The following CENPU variants were observed in gnomAD, a reference collection of about 807,000 sequenced individuals.
The protein encoded by CENPU is centromere protein U, also known as KSHV latent nuclear antigen interacting protein 1.
CENPU carries 46 observed loss-of-function variants against 56.7 expected under a neutral mutation model. The observed-to-expected ratio is 0.81, with a 90% CI of 0.64 to 1.04. The LOEUF is 1.04. CENPU is among the 50% of genes least tolerant of loss of function. CENPU has a pLI of 0.00. For synonymous variants in CENPU, 166 were observed against 163.0 expected (o/e 1.02, Z -0.14); for missense variants, 510 against 490.1 (o/e 1.04, Z -0.38).
intron 3 of CENPU, among the ~76,000 whole-genome samples, chr4:184,726,546 T>C (rs1761457598): frequency 6.6e-6 from 1 of 152,214 alleles, no homozygotes; most frequent in Admixed American, 6.5e-5. Context: ...TGGGCCCTGC[T>C]GGTGGGAACA....
intron 11 of CENPU, chr4:184,699,668 C>CTCTTTTT: frequency 1.8e-6 from 2 of 1,084,622 alleles, no homozygotes; most frequent in Non-Finnish European, 1.2e-6. Flanking sequence ...GGCAGTCTCT[C>CTCTTTTT]TTTTTTTTTT....
intron 8 of CENPU, among the ~76,000 whole-genome samples, chr4:184,707,013 A>C (rs934344057): frequency 6.6e-6 from 1 of 151,344 alleles, no homozygotes; most frequent in East Asian, 1.9e-4. Flanking sequence ...AGATTTGTGA[A>C]TAGGTAAAGG....
In CENPU at chr4:184,728,903, A is replaced by G; in HGVS notation, c.214+15T>C. On this transcript the variant is annotated intron_variant, in intron 3 of 12. Transcript: ENST00000281453. Reference sequence around the variant, plus strand: ...GCTTTAGAGTTATGTTAGGATAAAGATTTAAAGTACTAACCAAAGGTCTCA... The same window carrying G: ...GCTTTAGAGTTATGTTAGGATAAAGGTTTAAAGTACTAACCAAAGGTCTCA... 3 of 1,582,046 alleles carry G rather than the reference A, an allele frequency of 1.9e-6. No homozygotes were observed. Among genetic ancestry groups the G allele is most frequent in the Non-Finnish European group, 2.6e-6 (3 of 1,151,904 alleles).
intron 1 of CENPU, among the ~76,000 whole-genome samples, 161 bp from the exon 2 acceptor site, chr4:184,731,129 A>G (rs1374655238): frequency 6.6e-6 from 1 of 152,096 alleles, no homozygotes; most frequent in Non-Finnish European, 1.5e-5. Context: ...ACCAATGTAT[A>G]AAATAACATA....
chr4:184,702,173 C>G, intron 9 of CENPU, 37 bp from the exon 10 acceptor site: 1 of 1,503,748 alleles, frequency 6.7e-7, no homozygotes. Flanking sequence ...ACATCAGTTT[C>G]CAAAAGTAAA....
intron 1 of CENPU, chr4:184,733,485 A>G (rs1303857858): frequency 1.1e-6 from 1 of 892,844 alleles, no homozygotes; most frequent in Non-Finnish European, 1.3e-6. Context: ...GCAACCGACC[A>G]AACGCTCGCT....
chr4:184,715,608 C>T (rs1487653756), intron 6 of CENPU, among the ~76,000 whole-genome samples: 1 of 152,142 alleles, frequency 6.6e-6, no homozygotes, highest in Non-Finnish European at 1.5e-5. Flanking sequence ...CCACCGTGCC[C>T]GCCTAAGACC....
At chr4:184,731,877 T>A (rs1274514903) in intron 1 of CENPU, among the ~76,000 whole-genome samples, 1 of 35,832 alleles carries the variant, frequency 2.8e-5, no homozygotes, top group Admixed American at 3.0e-4. Flanking sequence ...CCTTTACTCA[T>A]GTGCTCTGTG....
intron 11 of CENPU, 126 bp from the exon 12 acceptor site, chr4:184,697,929 G>GA (rs1370862452): frequency 4.8e-6 from 3 of 623,874 alleles, no homozygotes; most frequent in Non-Finnish European, 8.2e-6. Flanking sequence ...CTTTGGCTCT[G>GA]AAACTACGAA....
intron 1 of CENPU, among the ~76,000 whole-genome samples, chr4:184,732,619 G>GA (rs1554013283): frequency 8.9e-5 from 2 of 22,430 alleles, no homozygotes; most frequent in Non-Finnish European, 1.1e-3. Context: ...GTCCTTTCTT[G>GA]GGGGGGAAAA....
intron 6 of CENPU, 116 bp from the exon 7 acceptor site, chr4:184,713,129 G>A: frequency 1.5e-6 from 1 of 645,528 alleles, no homozygotes; most frequent in East Asian, 2.9e-5. Flanking sequence ...AGTGGCACAT[G>A]CCTGTAATCC....
intron 8 of CENPU, among the ~76,000 whole-genome samples, chr4:184,704,053 C>T (rs967862921): frequency 6.6e-6 from 1 of 151,844 alleles, no homozygotes; most frequent in African/African-American, 2.4e-5. Context: ...TAATAAATTA[C>T]TAAGTGCCCC....
intron 4 of CENPU, among the ~76,000 whole-genome samples, chr4:184,721,475 A>C (rs1761274161): frequency 6.6e-6 from 1 of 150,528 alleles, no homozygotes; most frequent in African/African-American, 2.4e-5. Context: ...AAAAAAAAAA[A>C]AAAGGACCCA....
chr4:184,733,342 C>T (rs1466898495), intron 1 of CENPU: 5 of 986,522 alleles, frequency 5.1e-6, no homozygotes, highest in African/African-American at 1.7e-5. Flanking sequence ...AACTCCTGTT[C>T]TCTTCAGATC....
At chr4:184,696,693 T>A (rs28705743) in intron 12 of CENPU, among the ~76,000 whole-genome samples, 1 of 102,158 alleles carries the variant, frequency 9.8e-6, no homozygotes, top group Non-Finnish European at 2.1e-5. Context: ...ATTACATATA[T>A]ATATATTATA....
intron 4 of CENPU, among the ~76,000 whole-genome samples, chr4:184,718,060 G>A (rs1761151833): frequency 6.6e-6 from 1 of 152,198 alleles, no homozygotes; most frequent in Non-Finnish European, 1.5e-5. Flanking sequence ...CACCCACATA[G>A]GCATGCTGCA....
chr4:184,694,944 T>G lies in CENPU; in HGVS notation c.*344A>C. ...AACCAATTTCATTAAAAATTAGCTT[T>G]GGTGTAAATTCAGGAGAAATCGCCT... On this transcript the variant is annotated 3_prime_UTR_variant, in exon 13 of 13. Coordinates refer to ENST00000281453, the MANE Select transcript of CENPU (RefSeq NM_024629.4). The G allele has an allele frequency of 1.7e-6, 1 of 605,868 alleles. No homozygotes were observed. Among genetic ancestry groups the G allele is most frequent in the Non-Finnish European group, 2.8e-6 (1 of 355,996 alleles). 37.5% of individuals were successfully genotyped at this position (605,868 alleles called of 1,614,324 possible). A position where few individuals can be genotyped will look rare whatever the true frequency, so the allele number is the denominator to read the frequency against.
chr4:184,712,114 A>G lies in CENPU; in HGVS notation c.688+830T>C, dbSNP rs917745013. ...CCAGCCTGGCAACAGAGCAAGACTC[A>G]GTCTCAAAAAAAAAAAAAAAAAAAG... On this transcript the variant is annotated intron_variant, in intron 7 of 12. Coordinates refer to ENST00000281453, the MANE Select transcript of CENPU (RefSeq NM_024629.4). Among the ~76,000 whole-genome samples, 4 of 139,352 alleles carry G rather than the reference A, an allele frequency of 2.9e-5. No individual in the cohort carries two copies. In the East Asian group the frequency reaches 6.2e-4, roughly 22 times the overall value. The allele number at this position is 139,352 out of a possible 152,430, so 91.4% of individuals were successfully genotyped here.
At chr4:184,697,980 A>G (rs1760398307) in intron 11 of CENPU, 177 bp from the exon 12 acceptor site, 1 of 555,334 alleles carries the variant, frequency 1.8e-6, no homozygotes, top group Admixed American at 3.5e-5. Context: ...ATGTAGGAAA[A>G]AAAATCTCTG....
Sources: gnomAD v4.1 joint callset for allele counts (sites outside exome capture counted in the v4.1 genomes callset) on GRCh38, gnomAD v4.1.1 for gene constraint, MANE v1.5 for transcripts, NCBI Gene and HGNC (gene_info 2026-07-23, HGNC 2026-07-21) for gene names.